The following CATSPERT variants were observed in gnomAD, a reference collection of about 807,000 sequenced individuals.
The protein encoded by CATSPERT is catsper channel auxiliary subunit tau, also known as cation channel sperm-associated targeting subunit tau.
chr2:201,592,460 T>C, the CATSPERT span, among the ~76,000 whole-genome samples: 9 of 149,248 alleles, frequency 6.0e-5, no homozygotes, highest in African/African-American at 2.2e-4. Flanking sequence ...GTTGTGTCTC[T>C]GCCCGCCTTT....
chr2:201,515,788 T>C, the CATSPERT span, among the ~76,000 whole-genome samples: 1 of 152,180 alleles, frequency 6.6e-6, no homozygotes, highest in African/African-American at 2.4e-5. Context: ...AGGCACTCAC[T>C]TAAATCCGGA....
the CATSPERT span, among the ~76,000 whole-genome samples, chr2:201,594,755 T>C: frequency 5.3e-5 from 8 of 152,322 alleles, no homozygotes; most frequent in East Asian, 1.9e-4. Context: ...ATACCTTTTC[T>C]TCTAGTTGAT....
At chr2:201,525,594 C>T in the CATSPERT span, among the ~76,000 whole-genome samples, 2 of 151,910 alleles carry the variant, frequency 1.3e-5, no homozygotes, top group South Asian at 2.1e-4. Context: ...ACAAAGCCAG[C>T]AGAAGAAAAG....
At chr2:201,514,799 C>G in the CATSPERT span, among the ~76,000 whole-genome samples, 1 of 152,224 alleles carries the variant, frequency 6.6e-6, no homozygotes, top group African/African-American at 2.4e-5. Context: ...AGTGGCCCAG[C>G]TGATACCATC....
At chr2:201,529,426 C>T in the CATSPERT span, among the ~76,000 whole-genome samples, 5 of 152,046 alleles carry the variant, frequency 3.3e-5, no homozygotes, top group African/African-American at 1.2e-4. Flanking sequence ...GGTAGACAAC[C>T]CAGTAATAAA....
At chr2:201,539,693 T>TC in the CATSPERT span, among the ~76,000 whole-genome samples, 1 of 151,972 alleles carries the variant, frequency 6.6e-6, no homozygotes, top group African/African-American at 2.4e-5. Context: ...GACCAGCTGT[T>TC]CCCCCATCTT....
the CATSPERT span, among the ~76,000 whole-genome samples, chr2:201,567,668 T>A: frequency 1.3e-5 from 2 of 152,202 alleles, no homozygotes; most frequent in Non-Finnish European, 2.9e-5. Context: ...AATTCTCTCT[T>A]ACCCCAGGGT....
At chr2:201,501,412 A>AG in the CATSPERT span, among the ~76,000 whole-genome samples, 1 of 150,684 alleles carries the variant, frequency 6.6e-6, no homozygotes, top group South Asian at 2.1e-4. Context: ...AAAAAAAAAA[A>AG]AAAAAAAGAA....
chr2:201,492,696 G>T, the CATSPERT span: 1 of 1,535,018 alleles, frequency 6.5e-7, no homozygotes, highest in Non-Finnish European at 8.7e-7. Flanking sequence ...AATGATGATT[G>T]AAATTGTTGA....
the CATSPERT span, among the ~76,000 whole-genome samples, chr2:201,615,096 C>A: frequency 6.6e-6 from 1 of 152,124 alleles, no homozygotes; most frequent in Non-Finnish European, 1.5e-5. Flanking sequence ...GACTCCCACA[C>A]AATAATAATG....
At chr2:201,580,257 C>T in the CATSPERT span, among the ~76,000 whole-genome samples, 7 of 152,152 alleles carry the variant, frequency 4.6e-5, no homozygotes, top group African/African-American at 1.4e-4. Context: ...ATGCTAAATT[C>T]GAGCTCTTGG....
At chr2:201,501,083 A>G in the CATSPERT span, among the ~76,000 whole-genome samples, 2 of 152,220 alleles carry the variant, frequency 1.3e-5, no homozygotes, top group East Asian at 1.9e-4. Flanking sequence ...ATTTATGGCT[A>G]TAAGCATTTA....
the CATSPERT span, among the ~76,000 whole-genome samples, chr2:201,602,860 G>C: frequency 6.6e-6 from 1 of 152,158 alleles, no homozygotes; most frequent in East Asian, 1.9e-4. Context: ...ATATATTACT[G>C]TGATATATTT....
chr2:201,599,838 A>G, the CATSPERT span, among the ~76,000 whole-genome samples: 15 of 152,214 alleles, frequency 9.9e-5, no homozygotes, highest in Admixed American at 9.8e-4. Flanking sequence ...ATTTTATTTA[A>G]ATGGACATAT....
chr2:201,493,366 A>G, the CATSPERT span: 29 of 1,536,894 alleles, frequency 1.9e-5, no homozygotes, highest in South Asian at 3.0e-4. Flanking sequence ...AATGATGGGT[A>G]TACTCTGCTC....
chr2:201,534,729 A>G, the CATSPERT span: 1 of 980,354 alleles, frequency 1.0e-6, no homozygotes, highest in Non-Finnish European at 1.2e-6. Flanking sequence ...CCATTTCTGT[A>G]AATACATTAG....
the CATSPERT span, among the ~76,000 whole-genome samples, chr2:201,500,827 T>G: frequency 5.3e-5 from 8 of 152,338 alleles, no homozygotes; most frequent in East Asian, 1.5e-3. Context: ...ATGTTTAACA[T>G]GATTCTTAAC....
chr2:201,603,172 C>T, the CATSPERT span: 3 of 1,549,664 alleles, frequency 1.9e-6, no homozygotes, highest in Non-Finnish European at 2.6e-6. Flanking sequence ...CAATGGATAA[C>T]TGAAACAGTG....
chr2:201,549,002 TACAC>T, the CATSPERT span, among the ~76,000 whole-genome samples: 1 of 151,372 alleles, frequency 6.6e-6, no homozygotes. Flanking sequence ...TCCATTATAC[TACAC>T]ACACACACAC....
Sources: allele counts gnomAD v4.1 joint callset (sites outside exome capture counted in the v4.1 genomes callset), GRCh38; gene constraint gnomAD v4.1.1; transcripts MANE v1.5; gene names NCBI Gene and HGNC (gene_info 2026-07-23, HGNC 2026-07-21).